Variants in HOMER2 observed in about 807,000 individuals in gnomAD.
HOMER2 encodes homer scaffold protein 2.
A neutral mutation model predicts 47.0 loss-of-function variants in HOMER2; 27 were observed. The observed-to-expected ratio is 0.57, with a 90% confidence interval of 0.42 to 0.79. The LOEUF (loss-of-function observed/expected upper bound fraction) is 0.79. Ranked by LOEUF, HOMER2 falls within the 30% of genes least tolerant of loss-of-function variation. The pLI is 0.00. For missense variants in HOMER2, 443 were observed against 435.0 expected (o/e 1.02, Z -0.16); for synonymous variants, 161 against 163.8 (o/e 0.98, Z 0.13).
At position 82,952,641 on chromosome 15, in the gene HOMER2, C is replaced by T. The variant is rs966106173; in HGVS notation, c.-106G>A. On this transcript the variant is annotated 5_prime_UTR_variant, in exon 1 of 9. Transcript: ENST00000450735. The stretch of plus-strand genomic sequence containing the variant: ...GCACATGCGGCGGCCCGTGCGCGCC[C>T]GGCTCAGCCCCGGCGCCGCTCCATT... 2.9e-6 allele frequency: 3 copies of T among 1,019,490 alleles called. No individual in the cohort carries two copies. Among genetic ancestry groups the T allele is most frequent in the South Asian group, 8.9e-5 (2 of 22,376 alleles). 63.2% of individuals were successfully genotyped at this position (1,019,490 alleles called of 1,614,324 possible). A position where few individuals can be genotyped will look rare whatever the true frequency, so the allele number is the denominator to read the frequency against.
chr15:82,927,428 A>T (rs2053881044), intron 1 of HOMER2, among the ~76,000 whole-genome samples: 1 of 152,138 alleles, frequency 6.6e-6, no homozygotes, highest in Non-Finnish European at 1.5e-5. Flanking sequence ...ATAATTACTC[A>T]CCTCTTACCT....
intron 1 of HOMER2, among the ~76,000 whole-genome samples, chr15:82,919,155 T>C (rs2053664493): frequency 1.3e-5 from 2 of 152,188 alleles, no homozygotes; most frequent in South Asian, 2.1e-4. Flanking sequence ...ACTAAAAAGA[T>C]TGGGAAACAC....
intron 2 of HOMER2, among the ~76,000 whole-genome samples, chr15:82,890,071 G>A (rs1280836048): frequency 2.6e-5 from 4 of 152,176 alleles, no homozygotes; most frequent in Non-Finnish European, 4.4e-5. Context: ...GCGGCAGGGC[G>A]CGTTGGCTCA....
intron 3 of HOMER2, among the ~76,000 whole-genome samples, chr15:82,864,599 T>TA (rs2051902668): frequency 6.6e-6 from 1 of 152,148 alleles, no homozygotes; most frequent in Non-Finnish European, 1.5e-5. Context: ...AACCTCTTAG[T>TA]GTCATTTTTT....
intron 1 of HOMER2, among the ~76,000 whole-genome samples, chr15:82,899,163 A>C (rs1358897769): frequency 6.6e-6 from 1 of 152,226 alleles, no homozygotes; most frequent in African/African-American, 2.4e-5. Flanking sequence ...CTCTCACCAG[A>C]AGGGCTTCTG....
In HOMER2 at chr15:82,925,177, G is replaced by C. The variant is rs554831863; in HGVS notation, c.5+27354C>G. On this transcript the variant is annotated intron_variant, in intron 1 of 8. Coordinates refer to ENST00000450735, the MANE Select transcript of HOMER2 (RefSeq NM_004839.4). The stretch of plus-strand genomic sequence containing the variant: ...CAGCCTTTCCCAAAGTCCCACTCAG[G>C]AGAAAGCCCAAAAATACTCCTTAAG... 3.9e-5 allele frequency among the ~76,000 whole-genome samples: 6 copies of C among 152,252 alleles called. No individual in the cohort carries two copies. In the East Asian group the frequency reaches 1.2e-3, roughly 29 times the overall value.
Position 82,915,616 on chromosome 15 carries a change from G to A in HOMER2, c.6-22775C>T, listed in dbSNP as rs963062413. 5.1e-4 allele frequency among the ~76,000 whole-genome samples: 77 copies of A among 152,214 alleles called. 1 individual carries two copies. The highest frequency in any genetic ancestry group is 1.7e-3 in the African/African-American group (70 of 41,462). The stretch of plus-strand genomic sequence containing the variant: ...TAGTCCCAGCTGCTGGGAGGCTAAC[G>A]TGGGAGGATTGCCTGGGCCTGGGAG... On this transcript the variant is annotated intron_variant, in intron 1 of 8. Coordinates refer to ENST00000450735, the MANE Select transcript of HOMER2 (RefSeq NM_004839.4).
At chr15:82,893,426 G>A (rs1250909844) in intron 1 of HOMER2, among the ~76,000 whole-genome samples, 70 of 142,972 alleles carry the variant, frequency 4.9e-4, no homozygotes, top group South Asian at 2.2e-4. Flanking sequence ...TCCGCCTCCC[G>A]GGTTCAAGCG....
chr15:82,840,323 A>G (rs1037532537), exon 2 of HOMER2: 1 of 152,222 alleles, frequency 6.6e-6, no homozygotes, highest in Non-Finnish European at 1.5e-5. Context: ...GAAAAGATCA[A>G]TGAAACAGAG....
chr15:82,953,676 A>C (rs1020909041), upstream of HOMER2, among the ~76,000 whole-genome samples: 2 of 152,172 alleles, frequency 1.3e-5, no homozygotes, highest in African/African-American at 2.4e-5. Context: ...GATCGAGGCC[A>C]TCCTGGCTAA....
chr15:82,972,314 G>A (rs1401979955), intron 1 of HOMER2, among the ~76,000 whole-genome samples: 1 of 152,116 alleles, frequency 6.6e-6, no homozygotes, highest in East Asian at 1.9e-4. Context: ...CTACCTGAAG[G>A]TGGGGTGCCC....
At chr15:82,957,778 G>A (rs1056576797), downstream of HOMER2, among the ~76,000 whole-genome samples, 1 of 152,138 alleles carries the variant, frequency 6.6e-6, no homozygotes, top group African/African-American at 2.4e-5. Context: ...CCCATCCAGG[G>A]CTCTCCTAAG....
intron 2 of HOMER2, among the ~76,000 whole-genome samples, chr15:82,880,823 G>C (rs937861856): frequency 6.6e-6 from 1 of 152,158 alleles, no homozygotes; most frequent in Non-Finnish European, 1.5e-5. Flanking sequence ...CAGGGCAGAA[G>C]GCTGACTTAA....
intron 2 of HOMER2, among the ~76,000 whole-genome samples, chr15:82,890,910 ACAACTGTGGCAT>A (rs964319772): frequency 6.6e-6 from 1 of 152,152 alleles, no homozygotes; most frequent in African/African-American, 2.4e-5. Context: ...AACGGTAATT[ACAACTGTGGCAT>A]CACTATGTCT....
chr15:82,922,276 T>C (rs531335305), intron 1 of HOMER2, among the ~76,000 whole-genome samples: 1 of 152,306 alleles, frequency 6.6e-6, no homozygotes, highest in African/African-American at 2.4e-5. Context: ...TTTCCAGGAT[T>C]TGTTTTAAAG....
At chr15:82,974,679 G>A (rs995510982) in intron 1 of HOMER2, among the ~76,000 whole-genome samples, 5 of 152,192 alleles carry the variant, frequency 3.3e-5, no homozygotes, top group African/African-American at 1.2e-4. Flanking sequence ...TCACCCCACA[G>A]GGAAATGCAG....
rs34287296 is a variant in HOMER2, at chr15:82,849,766, G to A, written c.981C>T (p.Asp327=). ...GCCCTCGGCGGAAGTCATGCAGGTC[G>A]TCAATCTTCCCGTCCAGCACCTCCA... The part of the protein sequence containing the change: ...SFLEVLDGKI[D]DLHDFRRGLS... Residue 327 remains aspartate (D), a synonymous_variant, in exon 9 of 9, where the codon GAC becomes GAT. Transcript: ENST00000450735. The A allele has an allele frequency of 0.025, 40,240 of 1,613,860 alleles. 605 individuals are homozygous for A. The highest frequency in any genetic ancestry group is 0.028 in the Non-Finnish European group (33,497 of 1,179,824).
downstream of HOMER2, chr15:82,847,390 A>C (rs1204164455): frequency 6.6e-6 from 1 of 152,052 alleles, no homozygotes; most frequent in Non-Finnish European, 1.5e-5. Flanking sequence ...AGTCCTTACT[A>C]CTCTTAGCTC....
upstream of HOMER2, among the ~76,000 whole-genome samples, chr15:82,954,632 A>C (rs1381578049): frequency 6.6e-6 from 1 of 151,694 alleles, no homozygotes; most frequent in Non-Finnish European, 1.5e-5. Flanking sequence ...TAAGAAATAT[A>C]TTTTACACTA....
Sources: allele counts gnomAD v4.1 joint callset (sites outside exome capture counted in the v4.1 genomes callset), GRCh38; gene constraint gnomAD v4.1.1; transcripts MANE v1.5; gene names NCBI Gene and HGNC (gene_info 2026-07-23, HGNC 2026-07-21).